Variants in TRANK1 observed in about 807,000 individuals in gnomAD.
TRANK1 encodes TPR and ankyrin repeat-containing protein 1.
Under a neutral mutation model 266.0 loss-of-function variants are expected in TRANK1, and 198 were observed. The ratio of observed to expected loss-of-function variants is 0.74; its 90% CI spans 0.66 to 0.84. The LOEUF (loss-of-function observed/expected upper bound fraction) is 0.84, where lower values mean the gene tolerates loss of function less well. TRANK1 is among the 40% of genes least tolerant of loss of function. The probability of loss-of-function intolerance (pLI) is 0.00; values close to 1 mark genes in which losing one functional copy is unlikely to be tolerated. For synonymous variants in TRANK1, 1,396 were observed against 1,384.1 expected (o/e 1.01, Z -0.19); for missense variants, 3,326 against 3,634.6 (o/e 0.92, Z 2.18).
At chr3:36,940,630 T>C (rs1349992285) in intron 1 of TRANK1, among the ~76,000 whole-genome samples, 3 of 152,148 alleles carry the variant, frequency 2.0e-5, no homozygotes, top group Non-Finnish European at 4.4e-5. Context: ...CCATACTTCT[T>C]CTGGGAAGGA....
chr3:36,846,316 C>A lies in TRANK1; in HGVS notation c.5123G>T (p.Arg1708Leu). 6.2e-7 allele frequency: 1 copy of A among 1,613,488 alleles called. No individual in the cohort carries two copies. Among genetic ancestry groups the A allele is most frequent in the Non-Finnish European group, 8.5e-7 (1 of 1,179,722 alleles). ...LWIFDENREK[R>L]APAFKYFIRR... ...AATGAAATATTTGAATGCGGGAGCC[C>A]GTTTCTCTCGGTTTTCATCAAAGAT... Residue 1708 changes from arginine (R) to leucine (L), a missense_variant, in exon 17 of 24, where the codon CGG becomes CTG. Physicochemically the swap from Arg to Leu is moderately radical, Grantham distance 102. Coordinates refer to ENST00000645898, the MANE Select transcript of TRANK1 (RefSeq NM_001329998.2).
chr3:36,922,824 T>C (rs1019412611), intron 1 of TRANK1, among the ~76,000 whole-genome samples: 7 of 151,856 alleles, frequency 4.6e-5, no homozygotes, highest in African/African-American at 1.7e-4. Context: ...AATTCCTCAG[T>C]CACTCTAGCC....
At chr3:36,829,145 C>T (rs1400433387) in intron 23 of TRANK1, among the ~76,000 whole-genome samples, 1 of 152,150 alleles carries the variant, frequency 6.6e-6, no homozygotes, top group African/African-American at 2.4e-5. Context: ...AGAAGTATAT[C>T]CCCAGGCGCA....
In TRANK1 at chr3:36,861,227, C is replaced by T. The variant is rs533148296; in HGVS notation, c.1241-67G>A. ...ATGATTTCTCTTCTTTCCCCAATCA[C>T]AACCCAACATCCATATATAATTAAC... On this transcript the variant is annotated intron_variant, in intron 10 of 23. Coordinates refer to ENST00000645898, the MANE Select transcript of TRANK1 (RefSeq NM_001329998.2). The T allele has an allele frequency of 9.1e-5, 135 of 1,484,970 alleles. 2 individuals carry two copies. In the South Asian group the frequency reaches 9.4e-4, roughly 10 times the overall value. The allele number at this position is 1,484,970 out of a possible 1,614,324, so 92.0% of individuals were successfully genotyped here. A position where few individuals can be genotyped will look rare whatever the true frequency, so the allele number is the denominator to read the frequency against.
chr3:36,848,936 T>C (rs1318712157), intron 15 of TRANK1, among the ~76,000 whole-genome samples: 1 of 152,210 alleles, frequency 6.6e-6, no homozygotes, highest in East Asian at 1.9e-4. Flanking sequence ...AAGCAAAAGC[T>C]GCTCAGATGG....
At chr3:36,942,772 G>C (rs1351878283) in intron 1 of TRANK1, among the ~76,000 whole-genome samples, 1 of 151,894 alleles carries the variant, frequency 6.6e-6, no homozygotes, top group Non-Finnish European at 1.5e-5. Flanking sequence ...AATGCTGACG[G>C]TCTCCTCATA....
At chr3:36,924,180 T>A (rs1339752210) in intron 1 of TRANK1, among the ~76,000 whole-genome samples, 1 of 152,172 alleles carries the variant, frequency 6.6e-6, no homozygotes, top group Non-Finnish European at 1.5e-5. Context: ...TTACCCTTTT[T>A]TCCTCGTACC....
intron 4 of TRANK1, among the ~76,000 whole-genome samples, chr3:36,897,575 C>T (rs2079811305): frequency 6.6e-6 from 1 of 152,220 alleles, no homozygotes; most frequent in Non-Finnish European, 1.5e-5. Flanking sequence ...TTTCCCACAA[C>T]TGCAATGGGA....
At position 36,900,851 on chromosome 3, in the gene TRANK1, C is replaced by CAAAAAAAAAAAAAAAAAAAA. The variant is rs138198488; in HGVS notation, c.283-1612_283-1593dup. Among the ~76,000 whole-genome samples, 543 of 62,856 alleles carry CAAAAAAAAAAAAAAAAAAAA rather than the reference C, an allele frequency of 8.6e-3. 57 individuals carry two copies. Among genetic ancestry groups the CAAAAAAAAAAAAAAAAAAAA allele is most frequent in the Non-Finnish European group, 0.011 (340 of 29,968 alleles). 41.2% of individuals were successfully genotyped at this position (62,856 alleles called of 152,430 possible). Reference sequence around the variant, plus strand: ...TGGGTGACAAAGCAAGACCCTGTCTCAAAAAAAAAAAAAAAAAAAAAAAAA... The same window carrying CAAAAAAAAAAAAAAAAAAAA: ...TGGGTGACAAAGCAAGACCCTGTCTCAAAAAAAAAAAAAAAAAAAAAAAAAAAAAAAAAAAAAAAAAAAAA... On this transcript the variant is annotated intron_variant, in intron 3 of 23. Transcript: ENST00000645898.
At position 36,908,467 on chromosome 3, in the gene TRANK1, G is replaced by A. The variant is rs939747586; in HGVS notation, c.24-13C>T. 29 of 1,232,036 alleles carry A rather than the reference G, an allele frequency of 2.4e-5. No individual in the cohort carries two copies. The African/African-American group carries it at 2.8e-4, about 12-fold the overall frequency. The allele number at this position is 1,232,036 out of a possible 1,614,324, so 76.3% of individuals were successfully genotyped here. On this transcript the variant is annotated splice_polypyrimidine_tract_variant and intron_variant, in intron 1 of 23. Coordinates refer to ENST00000645898, the MANE Select transcript of TRANK1 (RefSeq NM_001329998.2). ...TGTCAGGTCCATCCTGTGAGGAGACGGGGGAGACGCTTGCTGCCAGACCCG... is the reference window on the plus strand; with the variant it reads ...TGTCAGGTCCATCCTGTGAGGAGACAGGGGAGACGCTTGCTGCCAGACCCG...
intron 1 of TRANK1, among the ~76,000 whole-genome samples, chr3:36,913,581 G>C (rs2080084308): frequency 6.6e-6 from 1 of 151,924 alleles, no homozygotes; most frequent in Non-Finnish European, 1.5e-5. Flanking sequence ...AGACAGTCAA[G>C]GATAAAAATC....
chr3:36,864,566 C>A, intron 9 of TRANK1, 86 bp from the exon 10 acceptor site: 2 of 1,293,840 alleles, frequency 1.5e-6, no homozygotes, highest in Non-Finnish European at 2.1e-6. Context: ...CTCCAACCCT[C>A]CACATACTCA....
chr3:36,854,771 T>A lies in TRANK1; in HGVS notation c.4549+402A>T, dbSNP rs34383090. On this transcript the variant is annotated intron_variant, in intron 13 of 23. Transcript: ENST00000645898. ...CCCACTGCCTACCACCCTCCCTTTT[T>A]TTTTTTTCCTTCTCTTTGGGAGAAA... is the stretch of plus-strand genomic sequence containing the variant. 7.9e-3 allele frequency among the ~76,000 whole-genome samples: 1,209 copies of A among 152,140 alleles called. 49 individuals carry two copies. The East Asian group carries it at 0.084, about 11-fold the overall frequency.
At chr3:36,923,286 G>C (rs575542267) in intron 1 of TRANK1, among the ~76,000 whole-genome samples, 2 of 133,868 alleles carry the variant, frequency 1.5e-5, no homozygotes. Flanking sequence ...GTGGAGTCCC[G>C]CTCCAGTTGT....
At chr3:36,931,411 A>G (rs1304069203) in intron 1 of TRANK1, among the ~76,000 whole-genome samples, 1 of 152,218 alleles carries the variant, frequency 6.6e-6, no homozygotes, top group Non-Finnish European at 1.5e-5. Context: ...AAGAATATCT[A>G]TTAATATTTG....
chr3:36,926,102 A>G (rs2080284814), intron 1 of TRANK1, among the ~76,000 whole-genome samples: 1 of 152,142 alleles, frequency 6.6e-6, no homozygotes, highest in Non-Finnish European at 1.5e-5. Context: ...CCCCCACACC[A>G]CAACAACAAT....
chr3:36,928,186 A>T (rs2125658756), intron 1 of TRANK1, among the ~76,000 whole-genome samples: 1 of 152,344 alleles, frequency 6.6e-6, no homozygotes, highest in Admixed American at 6.5e-5. Context: ...AAGGCCTGCA[A>T]AACCAAGGTA....
chr3:36,927,938 A>G (rs1414446173), intron 1 of TRANK1, among the ~76,000 whole-genome samples: 1 of 152,152 alleles, frequency 6.6e-6, no homozygotes, highest in Non-Finnish European at 1.5e-5. Flanking sequence ...AATCTAAGAC[A>G]TAAGATGAAT....
chr3:36,882,962 T>G (rs921181405), intron 8 of TRANK1, among the ~76,000 whole-genome samples: 1 of 152,040 alleles, frequency 6.6e-6, no homozygotes, highest in African/African-American at 2.4e-5. Context: ...CAGAAAACCT[T>G]TTAAAATAAG....
Sources: gnomAD v4.1 joint callset for allele counts (sites outside exome capture counted in the v4.1 genomes callset) on GRCh38, gnomAD v4.1.1 for gene constraint, MANE v1.5 for transcripts, NCBI Gene and HGNC (gene_info 2026-07-23, HGNC 2026-07-21) for gene names.